DYM: variants seen among roughly 807,000 people sequenced by gnomAD.
The protein encoded by DYM is dyggve-Melchior-Clausen syndrome protein.
DYM carries 78 observed loss-of-function variants against 93.1 expected under a neutral mutation model. The observed-to-expected ratio is 0.84, with a 90% confidence interval of 0.70 to 1.01. The LOEUF is 1.01. Among genes scored for constraint, DYM ranks in the 50% least tolerant of loss-of-function variants. The pLI is 0.00. For synonymous variants in DYM, 321 were observed against 319.7 expected (o/e 1.00, Z -0.04); for missense variants, 789 against 845.0 (o/e 0.93, Z 0.82).
intron 14 of DYM, among the ~76,000 whole-genome samples, chr18:49,184,087 T>C (rs2090190460): frequency 6.6e-6 from 1 of 152,278 alleles, no homozygotes; most frequent in Admixed American, 6.5e-5. Context: ...CAGTCTATGG[T>C]ATTTTGTTAT....
chr18:49,246,283 C>A (rs555764884), intron 13 of DYM, among the ~76,000 whole-genome samples: 7 of 152,334 alleles, frequency 4.6e-5, no homozygotes, highest in African/African-American at 1.7e-4. Context: ...ACACGTGAGC[C>A]ACTTTAAATC....
rs1016281401 is a variant in DYM, at chr18:49,226,844, G to GA, written c.1461-17130dup. On this transcript the variant is annotated intron_variant, in intron 13 of 17. Transcript: ENST00000675505. Reference sequence around the variant, plus strand: ...CCAGTGGGAATGCAGTTGACTAAAGGAAAAAAAGACCTAAAGCACATGCTC... The same window carrying GA: ...CCAGTGGGAATGCAGTTGACTAAAGGAAAAAAAAGACCTAAAGCACATGCTC... 2.6e-5 allele frequency among the ~76,000 whole-genome samples: 4 copies of GA among 151,674 alleles called. No homozygotes were observed. The East Asian group carries it at 7.7e-4, about 29-fold the overall frequency.
chr18:49,203,550 T>G (rs1453700443), intron 14 of DYM, among the ~76,000 whole-genome samples: 1 of 145,172 alleles, frequency 6.9e-6, no homozygotes, highest in East Asian at 2.0e-4. Flanking sequence ...TCTGTGACCT[T>G]ACCCCCAACC....
chr18:49,332,949 A>G (rs2063415165), intron 7 of DYM, among the ~76,000 whole-genome samples: 1 of 152,142 alleles, frequency 6.6e-6, no homozygotes, highest in Non-Finnish European at 1.5e-5. Context: ...GAGGGTTCCA[A>G]TGCAAACCTC....
intron 2 of DYM, among the ~76,000 whole-genome samples, chr18:49,405,025 A>G (rs2071312261): frequency 1.3e-5 from 2 of 151,666 alleles, no homozygotes; most frequent in South Asian, 4.2e-4. Context: ...AAAAAAAAAA[A>G]AAAAGAAAGA....
chr18:49,050,891 A>T (rs974495962), intron 17 of DYM, among the ~76,000 whole-genome samples: 1 of 152,174 alleles, frequency 6.6e-6, no homozygotes, highest in African/African-American at 2.4e-5. Context: ...CATGTCACTG[A>T]CATCTTAAGG....
chr18:49,447,821 GGAA>G (rs1437554692), intron 1 of DYM, among the ~76,000 whole-genome samples: 2 of 152,126 alleles, frequency 1.3e-5, no homozygotes, highest in Non-Finnish European at 2.9e-5. Context: ...GTAAGATCAG[GGAA>G]TGTCGTAGTA....
chr18:49,044,776 A>G (rs903535790), intron 17 of DYM, among the ~76,000 whole-genome samples: 9 of 152,180 alleles, frequency 5.9e-5, no homozygotes, highest in Non-Finnish European at 2.9e-5. Flanking sequence ...TGGAGGCAGG[A>G]GCAATGGCTT....
At chr18:49,191,517 G>T (rs1312523399) in intron 14 of DYM, among the ~76,000 whole-genome samples, 2 of 152,224 alleles carry the variant, frequency 1.3e-5, no homozygotes, top group African/African-American at 4.8e-5. Context: ...ATAAGGATTA[G>T]TAGCTTTGGA....
intron 17 of DYM, among the ~76,000 whole-genome samples, chr18:49,052,267 G>A (rs1272453019): frequency 2.0e-5 from 3 of 152,212 alleles, no homozygotes; most frequent in Non-Finnish European, 4.4e-5. Context: ...GGCCCGAGCT[G>A]AATTTAATTT....
At chr18:49,250,746 GACACAA>G (rs1455174006) in intron 13 of DYM, among the ~76,000 whole-genome samples, 1 of 152,188 alleles carries the variant, frequency 6.6e-6, no homozygotes, top group Non-Finnish European at 1.5e-5. Context: ...AAAAAGAGGT[GACACAA>G]AGAACTGCCT....
At chr18:49,094,627 G>A (rs922046194) in intron 17 of DYM, among the ~76,000 whole-genome samples, 4 of 152,186 alleles carry the variant, frequency 2.6e-5, no homozygotes, top group Non-Finnish European at 4.4e-5. Flanking sequence ...TATCCAAATA[G>A]TATGCATTCC....
At chr18:49,326,498 T>C (rs951816871) in intron 8 of DYM, among the ~76,000 whole-genome samples, 3 of 151,954 alleles carry the variant, frequency 2.0e-5, no homozygotes, top group African/African-American at 7.2e-5. Context: ...CTAAAATCTA[T>C]AAGTTAATTT....
intron 2 of DYM, among the ~76,000 whole-genome samples, chr18:49,418,528 T>G (rs1324633670): frequency 6.6e-6 from 1 of 152,194 alleles, no homozygotes; most frequent in Non-Finnish European, 1.5e-5. Flanking sequence ...CTGATTACTC[T>G]GATGCTAAAA....
At chr18:49,206,156 T>G (rs1245118702) in intron 14 of DYM, among the ~76,000 whole-genome samples, 1 of 151,726 alleles carries the variant, frequency 6.6e-6, no homozygotes, top group African/African-American at 2.4e-5. Context: ...GTGCCACCAC[T>G]CCTGGCTAAT....
intron 17 of DYM, among the ~76,000 whole-genome samples, chr18:49,073,928 G>A (rs1411930694): frequency 6.6e-6 from 1 of 152,138 alleles, no homozygotes; most frequent in Non-Finnish European, 1.5e-5. Context: ...CTATAGGGAG[G>A]CAGTGTTACA....
chr18:49,250,169 A>T (rs2094255084), intron 13 of DYM, among the ~76,000 whole-genome samples: 1 of 152,246 alleles, frequency 6.6e-6, no homozygotes, highest in South Asian at 2.1e-4. Context: ...CCCATCTTCT[A>T]AGAATCAGTC....
chr18:49,263,239 C>T (rs746163749), intron 11 of DYM, among the ~76,000 whole-genome samples: 79 of 151,776 alleles, frequency 5.2e-4, no homozygotes, highest in Non-Finnish European at 1.1e-3. Context: ...CTGCCTCGGC[C>T]TCCTGAGTAG....
intron 2 of DYM, among the ~76,000 whole-genome samples, chr18:49,427,635 T>C (rs1052421899): frequency 4.6e-5 from 7 of 152,094 alleles, no homozygotes; most frequent in Non-Finnish European, 7.4e-5. Flanking sequence ...GAACAAAATA[T>C]AGAAACAACC....
Sources: gnomAD v4.1 joint callset for allele counts (sites outside exome capture counted in the v4.1 genomes callset) on GRCh38, gnomAD v4.1.1 for gene constraint, MANE v1.5 for transcripts, NCBI Gene and HGNC (gene_info 2026-07-23, HGNC 2026-07-21) for gene names.